Variants in TPMT observed in about 807,000 individuals in gnomAD.
The protein encoded by TPMT is S-adenosyl-L-methionine:thiopurine S-methyltransferase.
A neutral mutation model predicts 34.2 loss-of-function variants in TPMT; 18 were observed. That is an observed-to-expected ratio of 0.53 (90% confidence interval 0.36 to 0.78). The LOEUF (loss-of-function observed/expected upper bound fraction) is 0.78. Among genes scored for constraint, TPMT ranks in the 30% least tolerant of loss-of-function variants. The pLI, the probability that TPMT is intolerant of heterozygous loss-of-function variation, is 0.00. For missense variants in TPMT, 265 were observed against 288.1 expected, an observed-to-expected ratio of 0.92 and a Z score of 0.58; for synonymous variants, 69 against 92.4, an observed-to-expected ratio of 0.75 and a Z score of 1.45.
In TPMT at chr6:18,130,406, A is replaced by G; in HGVS notation, c.*262T>C. 1 of 388,676 alleles carries G rather than the reference A, an allele frequency of 2.6e-6. No individual in the cohort carries two copies. Among genetic ancestry groups the G allele is most frequent in the Non-Finnish European group, 4.7e-6 (1 of 212,678 alleles). 24.1% of individuals were successfully genotyped at this position (388,676 alleles called of 1,614,324 possible). On this transcript the variant is annotated 3_prime_UTR_variant, in exon 9 of 9. Transcript: ENST00000309983. The surrounding 1 kb of genome is among the most constrained non-coding windows in gnomAD (Gnocchi z 4.2). ...CATGCTGATTGGTAAAATATCTTGC[A>G]ATCTGCAAGACACATAGGCATAATC...
rs1784426292 is a variant in TPMT, at chr6:18,154,249, C to T, written c.-45+784G>A. 6.6e-6 allele frequency among the ~76,000 whole-genome samples: 1 copy of T among 152,124 alleles called. No individual in the cohort carries two copies. Among genetic ancestry groups the T allele is most frequent in the Non-Finnish European group, 1.5e-5 (1 of 68,018 alleles). On this transcript the variant is annotated intron_variant, in intron 1 of 8. Transcript: ENST00000309983. This position sits in a 1 kb window ranked among gnomAD's most constrained non-coding sequence, Gnocchi z 4.2. ...TTATTTCTATAATACAAAAAAAGTGCACATTACAAGAATTAAGGAAGGGAA... is the reference window on the plus strand; with the variant it reads ...TTATTTCTATAATACAAAAAAAGTGTACATTACAAGAATTAAGGAAGGGAA...
rs1300541987 is a variant in TPMT, at chr6:18,140,143, C to T, written c.367-426G>A. ...TTGTGCTGATTCTTCCATTTTTGCT[C>T]ATTCATTCAGCCAATGAGCATTTAT... On this transcript the variant is annotated intron_variant, in intron 4 of 8. Coordinates refer to ENST00000309983, the MANE Select transcript of TPMT (RefSeq NM_000367.5). The surrounding 1 kb of genome is among the most constrained non-coding windows in gnomAD (Gnocchi z 4.7). Among the ~76,000 whole-genome samples, 1 of 152,140 alleles carries T rather than the reference C, an allele frequency of 6.6e-6. No individual in the cohort carries two copies.
In TPMT at chr6:18,148,847, C is replaced by T. The variant is rs1440762832; in HGVS notation, c.140+141G>A. On this transcript the variant is annotated intron_variant, in intron 2 of 8. Coordinates refer to ENST00000309983, the MANE Select transcript of TPMT (RefSeq NM_000367.5). This position sits in a 1 kb window ranked among gnomAD's most constrained non-coding sequence, Gnocchi z 4.1. ...TAAACTACATCATGCCACAGATGCA[C>T]TGTGACTCGGGAGACACAAAAATGT... 3 of 1,226,610 alleles carry T rather than the reference C, an allele frequency of 2.4e-6. No individual in the cohort carries two copies. Among genetic ancestry groups the T allele is most frequent in the Non-Finnish European group, 3.5e-6 (3 of 852,366 alleles). 76.0% of individuals were successfully genotyped at this position (1,226,610 alleles called of 1,614,324 possible).
chr6:18,150,043 A>T lies in TPMT; in HGVS notation c.-44-872T>A, dbSNP rs567905846. The stretch of plus-strand genomic sequence containing the variant: ...CTACCTGGAGATAGTGTCAGATTCT[A>T]TATGTTGGGGGCTCAGTCCCTAAGA... On this transcript the variant is annotated intron_variant, in intron 1 of 8. Transcript: ENST00000309983. The surrounding 1 kb of genome is among the most constrained non-coding windows in gnomAD (Gnocchi z 5.3). 6.6e-6 allele frequency among the ~76,000 whole-genome samples: 1 copy of T among 152,100 alleles called. No homozygotes were observed. The highest frequency in any genetic ancestry group is 2.4e-5 in the African/African-American group (1 of 41,420).
intron 4 of TPMT, among the ~76,000 whole-genome samples, chr6:18,142,683 A>G (rs1015104280): frequency 6.6e-6 from 1 of 151,554 alleles, no homozygotes; most frequent in Admixed American, 6.6e-5. Flanking sequence ...CCCAAACCTC[A>G]CTCCATGCTT....
At position 18,135,462 on chromosome 6, in the gene TPMT, AAGG is replaced by A. The variant is rs1453422428; in HGVS notation, c.495-1576_495-1574del. Among the ~76,000 whole-genome samples the A allele has an allele frequency of 1.2e-4, 18 of 152,342 alleles. No individual in the cohort carries two copies. In the East Asian group the frequency reaches 3.5e-3, roughly 29 times the overall value. ...ATCAGTACTTGACAATGTACAATCTAAGGAGAAGACACCCAGTCCTAACGAAAG... is the reference window on the plus strand; with the variant it reads ...ATCAGTACTTGACAATGTACAATCTAAGAAGACACCCAGTCCTAACGAAAG... On this transcript the variant is annotated intron_variant, in intron 6 of 8. Coordinates refer to ENST00000309983, the MANE Select transcript of TPMT (RefSeq NM_000367.5). The surrounding 1 kb of genome is among the most constrained non-coding windows in gnomAD (Gnocchi z 5.0).
chr6:18,154,127 A>T lies in TPMT; in HGVS notation c.-45+906T>A, dbSNP rs1031389107. Among the ~76,000 whole-genome samples, 1 of 152,178 alleles carries T rather than the reference A, an allele frequency of 6.6e-6. No individual in the cohort carries two copies. The highest frequency in any genetic ancestry group is 1.5e-5 in the Non-Finnish European group (1 of 68,032). On this transcript the variant is annotated intron_variant, in intron 1 of 8. Transcript: ENST00000309983. This position sits in a 1 kb window ranked among gnomAD's most constrained non-coding sequence, Gnocchi z 4.2. ...GAGACAGGGTCTTGCTATGTTACCCAGGCTGGTCTCAAACTCCTGGGCTCA... is the reference window on the plus strand; with the variant it reads ...GAGACAGGGTCTTGCTATGTTACCCTGGCTGGTCTCAAACTCCTGGGCTCA...
rs1183234651 is a variant in TPMT at position 18,143,613 on chromosome 6, C to T, written c.349G>A (p.Gly117Arg). 1 of 1,612,638 alleles carries T rather than the reference C, an allele frequency of 6.2e-7. No homozygotes were observed. The highest frequency in any genetic ancestry group is 1.3e-5 in the African/African-American group (1 of 74,852). Residue 117 changes from glycine to arginine, a missense_variant, in exon 4 of 9, where the codon GGA becomes AGA. Coordinates refer to ENST00000309983, the MANE Select transcript of TPMT (RefSeq NM_000367.5). The surrounding 1 kb of genome is among the most constrained non-coding windows in gnomAD (Gnocchi z 6.1). ...AAACAAACCTTAAATACTTTGGTTCCAGGAATTTCGGTGATTGGTTCTTCT... is the reference window on the plus strand; with the variant it reads ...AAACAAACCTTAAATACTTTGGTTCTAGGAATTTCGGTGATTGGTTCTTCT... Reference protein sequence around the residue: ...YSEEPITEIPGTKVFKSSSGN... With the variant: ...YSEEPITEIPRTKVFKSSSGN...
rs545549817 is a variant in TPMT, at chr6:18,148,967, T to C, written c.140+21A>G. On this transcript the variant is annotated intron_variant, in intron 2 of 8. Coordinates refer to ENST00000309983, the MANE Select transcript of TPMT (RefSeq NM_000367.5). This position sits in a 1 kb window ranked among gnomAD's most constrained non-coding sequence, Gnocchi z 4.1. ...ACTTTTTGATAGAACATTTCTCTAT[T>C]GTATACCAAATATTTCTTACTGATG... The C allele has an allele frequency of 2.3e-5, 37 of 1,612,726 alleles. No homozygotes were observed. The highest frequency in any genetic ancestry group is 1.0e-4 in the Admixed American group (6 of 60,022).
intron 1 of TPMT, among the ~76,000 whole-genome samples, chr6:18,152,355 A>T (rs957111591): frequency 1.3e-5 from 2 of 152,124 alleles, no homozygotes; most frequent in Non-Finnish European, 2.9e-5. Context: ...TTAAAAAAAA[A>T]TTCTGTTATT....
At position 18,132,262 on chromosome 6, in the gene TPMT, G is replaced by T; in HGVS notation, c.581-85C>A. On this transcript the variant is annotated intron_variant, in intron 7 of 8. Coordinates refer to ENST00000309983, the MANE Select transcript of TPMT (RefSeq NM_000367.5). The surrounding 1 kb of genome is among the most constrained non-coding windows in gnomAD (Gnocchi z 4.8). ...ACATACAACTTCATTATCCAAATAG[G>T]TGATGATGTGGCATGTTCTTCTCAT... The T allele has an allele frequency of 8.0e-7, 1 of 1,256,628 alleles. No individual in the cohort carries two copies. Among genetic ancestry groups the T allele is most frequent in the South Asian group, 1.2e-5 (1 of 81,000 alleles). The allele number at this position is 1,256,628 out of a possible 1,614,324, so 77.8% of individuals were successfully genotyped here.
rs1377936019 is a variant in TPMT, at chr6:18,138,943, A to G, written c.494+20T>C. 1 of 1,609,034 alleles carries G rather than the reference A, an allele frequency of 6.2e-7. No homozygotes were observed. The highest frequency in any genetic ancestry group is 1.3e-5 in the African/African-American group (1 of 74,808). On this transcript the variant is annotated intron_variant, in intron 6 of 8. Transcript: ENST00000309983. The surrounding 1 kb of genome is among the most constrained non-coding windows in gnomAD (Gnocchi z 4.1). ...ACTAAAAAATTAAGACAGCTAAACA[A>G]AAAAAGAAAAATTACTTACCATTTG...
At position 18,139,133 on chromosome 6, in the gene TPMT, C is replaced by T. The variant is rs2150712572; in HGVS notation, c.420-96G>A. 1.1e-5 allele frequency: 12 copies of T among 1,090,150 alleles called. No individual in the cohort carries two copies. The highest frequency in any genetic ancestry group is 1.7e-5 in the Non-Finnish European group (12 of 703,502). The allele number at this position is 1,090,150 out of a possible 1,614,324, so 67.5% of individuals were successfully genotyped here. A position where few individuals can be genotyped will look rare whatever the true frequency, so the allele number is the denominator to read the frequency against. ...TGGTGCATGCTGGTACTTCAACAAT[C>T]GTCAAGGTATTAGGATCTCACGTCT... On this transcript the variant is annotated intron_variant, in intron 5 of 8. Transcript: ENST00000309983. This position sits in a 1 kb window ranked among gnomAD's most constrained non-coding sequence, Gnocchi z 4.2.
rs72552736 is a variant in TPMT, at chr6:18,130,725, A to T, written c.681T>A (p.His227Gln). The T allele has an allele frequency of 1.4e-5, 22 of 1,613,386 alleles. No individual in the cohort carries two copies. Among genetic ancestry groups the T allele is most frequent in the Non-Finnish European group, 1.9e-5 (22 of 1,179,944 alleles). ...LEKVDAFEER[H>Q]KSWGIDCLFE... ...AAAGACAGTCAATTCCCCAACTTTT[A>T]TGTCGTTCTTCAAAAGCATCAACCT... The change falls in exon 9 of 9, where the codon CAT (histidine) becomes CAA (glutamine). Residue 227 changes from histidine to glutamine, a missense_variant. His to Gln is a conservative substitution (Grantham distance 24). Coordinates refer to ENST00000309983, the MANE Select transcript of TPMT (RefSeq NM_000367.5). This position sits in a 1 kb window ranked among gnomAD's most constrained non-coding sequence, Gnocchi z 4.2.
rs1783920415 is a variant in TPMT at position 18,130,496 on chromosome 6, A to T, written c.*172T>A. On this transcript the variant is annotated 3_prime_UTR_variant, in exon 9 of 9. Transcript: ENST00000309983. This position sits in a 1 kb window ranked among gnomAD's most constrained non-coding sequence, Gnocchi z 4.2. ...AAGTTTAGTTACATCTTTTTCTTCT[A>T]AAACTTTTTTAGAAAAAGTAAATGG... The T allele has an allele frequency of 2.1e-5, 12 of 573,220 alleles. No homozygotes were observed. The South Asian group carries it at 2.5e-4, about 12-fold the overall frequency. 35.5% of individuals were successfully genotyped at this position (573,220 alleles called of 1,614,324 possible).
At chr6:18,147,555 T>C (rs1325320023) in intron 3 of TPMT, among the ~76,000 whole-genome samples, 2 of 152,168 alleles carry the variant, frequency 1.3e-5, no homozygotes, top group East Asian at 1.9e-4. Flanking sequence ...CCAGGAAATG[T>C]AAAAGGGAAG....
Position 18,139,817 on chromosome 6 carries a change from G to A in TPMT, c.367-100C>T, listed in dbSNP as rs550890093. 173 of 733,534 alleles carry A rather than the reference G, an allele frequency of 2.4e-4. No individual in the cohort carries two copies. Among genetic ancestry groups the A allele is most frequent in the Non-Finnish European group, 3.5e-4 (153 of 431,696 alleles). 45.4% of individuals were successfully genotyped at this position (733,534 alleles called of 1,614,324 possible). A position where few individuals can be genotyped will look rare whatever the true frequency, so the allele number is the denominator to read the frequency against. On this transcript the variant is annotated intron_variant, in intron 4 of 8. Transcript: ENST00000309983. This position sits in a 1 kb window ranked among gnomAD's most constrained non-coding sequence, Gnocchi z 4.2. ...AAGCAAAGCAAAAGTTCTAGGGAAAGAATGTGTTAATTAAACATAATTAAA... is the reference window on the plus strand; with the variant it reads ...AAGCAAAGCAAAAGTTCTAGGGAAAAAATGTGTTAATTAAACATAATTAAA...
Position 18,138,108 on chromosome 6 carries a change from C to G in TPMT, c.494+855G>C, listed in dbSNP as rs1784078064. Among the ~76,000 whole-genome samples the G allele has an allele frequency of 6.6e-6, 1 of 152,176 alleles. No individual in the cohort carries two copies. The highest frequency in any genetic ancestry group is 6.5e-5 in the Admixed American group (1 of 15,276). ...AGTATGGACTTCAAAGCCAAACACT[C>G]TGGTTTTGAATCTCAACTCTGTCAC... On this transcript the variant is annotated intron_variant, in intron 6 of 8. Transcript: ENST00000309983. This position sits in a 1 kb window ranked among gnomAD's most constrained non-coding sequence, Gnocchi z 4.1.
chr6:18,144,951 C>T (rs1464300058), intron 3 of TPMT, among the ~76,000 whole-genome samples: 2 of 150,246 alleles, frequency 1.3e-5, no homozygotes, highest in Non-Finnish European at 3.0e-5. Flanking sequence ...GAACTCCTGA[C>T]CTCAAATGAT....
Sources: gnomAD v4.1 joint callset for allele counts (sites outside exome capture counted in the v4.1 genomes callset) on GRCh38, gnomAD v4.1.1 for gene constraint, Gnocchi (gnomAD v3.1) non-coding constraint, MANE v1.5 for transcripts, NCBI Gene and HGNC (gene_info 2026-07-23, HGNC 2026-07-21) for gene names.